The following SNTG1 variants were observed in gnomAD, a reference collection of about 807,000 sequenced individuals.
SNTG1 encodes syntrophin gamma 1.
SNTG1 carries 39 observed loss-of-function variants against 74.7 expected under a neutral mutation model. That is an observed-to-expected ratio of 0.52 (90% CI 0.40 to 0.68). The LOEUF (loss-of-function observed/expected upper bound fraction) is 0.68. SNTG1 is among the 30% of genes least tolerant of loss of function. The probability of loss-of-function intolerance (pLI) is 0.00; values close to 1 mark genes in which losing one functional copy is unlikely to be tolerated. For missense variants in SNTG1, 685 were observed against 609.5 expected (o/e 1.12, Z -1.30); for synonymous variants, 254 against 217.1 (o/e 1.17, Z -1.49).
chr8:50,015,325 G>A (rs1816211400), intron 1 of SNTG1, among the ~76,000 whole-genome samples: 1 of 151,890 alleles, frequency 6.6e-6, no homozygotes, highest in Admixed American at 6.6e-5. Context: ...TTGATGATAG[G>A]TCAATAGAGA....
At chr8:50,190,016 G>T (rs1328852756) in intron 2 of SNTG1, among the ~76,000 whole-genome samples, 1 of 152,084 alleles carries the variant, frequency 6.6e-6, no homozygotes, top group Non-Finnish European at 1.5e-5. Context: ...CCTATTTTCT[G>T]TTTGAATGTT....
chr8:50,085,942 C>T (rs752983135), intron 1 of SNTG1, among the ~76,000 whole-genome samples: 10 of 152,050 alleles, frequency 6.6e-5, no homozygotes, highest in East Asian at 1.9e-4. Flanking sequence ...CATTTTCTGC[C>T]GGCCTGAGGA....
At chr8:50,754,332 T>C (rs778784141) in intron 18 of SNTG1, among the ~76,000 whole-genome samples, 4 of 151,962 alleles carry the variant, frequency 2.6e-5, no homozygotes, top group Non-Finnish European at 5.9e-5. Context: ...GTATAAAAGA[T>C]CCAGTTTCTC....
intron 1 of SNTG1, among the ~76,000 whole-genome samples, chr8:50,035,778 A>G (rs1263262049): frequency 1.3e-5 from 2 of 152,154 alleles, no homozygotes; most frequent in Non-Finnish European, 2.9e-5. Flanking sequence ...AGAGACTTGA[A>G]GAGAGCATCT....
At position 50,785,268 on chromosome 8, in the gene SNTG1, G is replaced by A. The variant is rs989949631; in HGVS notation, c.1396-7403G>A. 4.6e-5 allele frequency among the ~76,000 whole-genome samples: 7 copies of A among 151,448 alleles called. No individual in the cohort carries two copies. In the South Asian group the frequency reaches 1.2e-3, roughly 27 times the overall value. ...ATCTCAAATTTAGTTTTTTAAAAAG[G>A]TTAACAAGAGTGACAAAACTTTAAC... On this transcript the variant is annotated intron_variant, in intron 18 of 18. Coordinates refer to ENST00000642720, the MANE Select transcript of SNTG1 (RefSeq NM_018967.5).
chr8:50,783,271 TTTTG>T (rs2095665322), intron 18 of SNTG1, among the ~76,000 whole-genome samples: 1 of 152,270 alleles, frequency 6.6e-6, no homozygotes, highest in South Asian at 2.1e-4. Context: ...ACTGCTGTCT[TTTTG>T]TTTGTCTGTG....
chr8:50,271,034 T>G (rs941298737), intron 2 of SNTG1, among the ~76,000 whole-genome samples: 2 of 152,208 alleles, frequency 1.3e-5, no homozygotes, highest in African/African-American at 4.8e-5. Context: ...CTGATTATTT[T>G]TTCTAAAGGA....
intron 2 of SNTG1, among the ~76,000 whole-genome samples, chr8:50,367,966 T>C (rs955590457): frequency 6.6e-6 from 1 of 151,986 alleles, no homozygotes; most frequent in African/African-American, 2.4e-5. Flanking sequence ...AGTTTTGAGG[T>C]ACAGACTAGA....
At chr8:50,601,210 C>T (rs1260908505) in intron 13 of SNTG1, among the ~76,000 whole-genome samples, 2 of 100,888 alleles carry the variant, frequency 2.0e-5, no homozygotes, top group South Asian at 3.6e-4. Context: ...TAAGCTATTT[C>T]TTTGAAGGCT....
At chr8:50,070,649 G>T (rs1821287128) in intron 1 of SNTG1, among the ~76,000 whole-genome samples, 1 of 152,160 alleles carries the variant, frequency 6.6e-6, no homozygotes, top group African/African-American at 2.4e-5. Context: ...AAAAAGAAAT[G>T]ATTTCAATTC....
At chr8:50,612,397 A>C (rs2094856948) in intron 13 of SNTG1, among the ~76,000 whole-genome samples, 1 of 152,192 alleles carries the variant, frequency 6.6e-6, no homozygotes, top group Non-Finnish European at 1.5e-5. Context: ...TAAACATATA[A>C]TTTTATTAAA....
chr8:50,789,460 G>A (rs2095685187), intron 18 of SNTG1, among the ~76,000 whole-genome samples: 1 of 151,886 alleles, frequency 6.6e-6, no homozygotes, highest in Non-Finnish European at 1.5e-5. Flanking sequence ...TCTATGTGCT[G>A]ACAGAAGCTG....
chr8:50,110,142 C>G (rs554311027), intron 1 of SNTG1, among the ~76,000 whole-genome samples: 1 of 152,266 alleles, frequency 6.6e-6, no homozygotes, highest in East Asian at 1.9e-4. Flanking sequence ...GGGATTTCTC[C>G]TCTGCCCTCT....
chr8:50,769,628 A>G (rs1177882989), intron 18 of SNTG1, among the ~76,000 whole-genome samples: 1 of 152,050 alleles, frequency 6.6e-6, no homozygotes. Flanking sequence ...ATAAAGTAAG[A>G]CTAACTGTAT....
chr8:50,191,750 C>T (rs1034385203), intron 2 of SNTG1, among the ~76,000 whole-genome samples: 2 of 151,930 alleles, frequency 1.3e-5, no homozygotes, highest in Admixed American at 1.3e-4. Context: ...ACAACAGGCC[C>T]CGGTGTGTGC....
chr8:50,150,018 A>T lies in SNTG1; in HGVS notation c.-102-22543A>T, dbSNP rs935627477. On this transcript the variant is annotated intron_variant, in intron 1 of 18. Coordinates refer to ENST00000642720, the MANE Select transcript of SNTG1 (RefSeq NM_018967.5). ...CATTTTCACGATATTGATTTTTCCT[A>T]TCCATGACCATGGAATGTTCTTCCG... Among the ~76,000 whole-genome samples the T allele has an allele frequency of 2.0e-5, 3 of 152,118 alleles. No homozygotes were observed. In the East Asian group the frequency reaches 5.8e-4, roughly 29 times the overall value.
intron 9 of SNTG1, among the ~76,000 whole-genome samples, chr8:50,519,030 A>G (rs1032727275): frequency 1.3e-5 from 2 of 152,210 alleles, no homozygotes; most frequent in African/African-American, 2.4e-5. Context: ...AATATCACTG[A>G]TAAACATTGA....
intron 12 of SNTG1, among the ~76,000 whole-genome samples, chr8:50,576,963 A>G (rs1273238025): frequency 6.6e-6 from 1 of 152,068 alleles, no homozygotes; most frequent in Non-Finnish European, 1.5e-5. Context: ...TTGCTTAATT[A>G]CAGCTGCTAG....
At chr8:49,997,403 A>T (rs1814331591) in intron 1 of SNTG1, among the ~76,000 whole-genome samples, 1 of 152,110 alleles carries the variant, frequency 6.6e-6, no homozygotes, top group Non-Finnish European at 1.5e-5. Context: ...CTAAAAATTA[A>T]TTTTCTGTAA....
Sources: allele counts gnomAD v4.1 joint callset (sites outside exome capture counted in the v4.1 genomes callset), GRCh38; gene constraint gnomAD v4.1.1; transcripts MANE v1.5; gene names NCBI Gene and HGNC (gene_info 2026-07-23, HGNC 2026-07-21).